NRG3: variants seen among roughly 807,000 people sequenced by gnomAD.
The protein encoded by NRG3 is neuregulin 3.
Under a neutral mutation model 66.9 loss-of-function variants are expected in NRG3, and 31 were observed. The observed-to-expected ratio is 0.46, with a 90% CI of 0.35 to 0.63. The LOEUF (loss-of-function observed/expected upper bound fraction) is 0.63. NRG3 is among the 20% of genes least tolerant of loss of function. NRG3 has a pLI of 0.00. For missense variants in NRG3, 910 were observed against 878.9 expected (o/e 1.04, Z -0.45); for synonymous variants, 393 against 359.4 (o/e 1.09, Z -1.06).
At chr10:82,645,063 G>C (rs117980940) in intron 2 of NRG3, among the ~76,000 whole-genome samples, 2,043 of 152,214 alleles carry the variant, frequency 0.013, 26 homozygotes, top group Non-Finnish European at 0.022. Context: ...GACAAAGGTT[G>C]CCTGCCTTTT....
At chr10:82,220,033 A>C (rs1351580375) in intron 1 of NRG3, among the ~76,000 whole-genome samples, 1 of 151,984 alleles carries the variant, frequency 6.6e-6, no homozygotes, top group Non-Finnish European at 1.5e-5. Context: ...ACAAATACCA[A>C]AGTCAACCAG....
At chr10:82,952,591 A>C (rs1340009905) in intron 5 of NRG3, among the ~76,000 whole-genome samples, 1 of 151,504 alleles carries the variant, frequency 6.6e-6, no homozygotes, top group Non-Finnish European at 1.5e-5. Context: ...TAAGAAATGC[A>C]GATAAAAATA....
intron 1 of NRG3, among the ~76,000 whole-genome samples, chr10:82,192,897 T>A (rs1202930228): frequency 6.6e-6 from 1 of 151,966 alleles, no homozygotes; most frequent in Non-Finnish European, 1.5e-5. Flanking sequence ...AGAACAACTT[T>A]CCAAGACATG....
chr10:82,449,425 G>T (rs2090910635), intron 2 of NRG3, among the ~76,000 whole-genome samples: 1 of 152,238 alleles, frequency 6.6e-6, no homozygotes, highest in Non-Finnish European at 1.5e-5. Flanking sequence ...ATGAAAGATA[G>T]AACTCATTTT....
intron 1 of NRG3, among the ~76,000 whole-genome samples, chr10:82,282,200 G>T (rs550281740): frequency 3.0e-4 from 45 of 152,094 alleles, no homozygotes; most frequent in Non-Finnish European, 5.7e-4. Context: ...CACATACGAG[G>T]CAGATAACTA....
chr10:82,212,660 C>T (rs2075456931), intron 1 of NRG3, among the ~76,000 whole-genome samples: 1 of 152,132 alleles, frequency 6.6e-6, no homozygotes, highest in Admixed American at 6.5e-5. Context: ...AGGCATGTCA[C>T]TATCTAGTCT....
intron 1 of NRG3, among the ~76,000 whole-genome samples, chr10:82,030,479 G>A (rs940224421): frequency 2.0e-5 from 3 of 152,088 alleles, no homozygotes; most frequent in African/African-American, 7.2e-5. Flanking sequence ...GGCTTATGCA[G>A]TAGTTACACA....
chr10:82,761,548 G>C (rs2059303967), intron 3 of NRG3, among the ~76,000 whole-genome samples: 1 of 151,978 alleles, frequency 6.6e-6, no homozygotes, highest in Non-Finnish European at 1.5e-5. Context: ...TGTTGATAAA[G>C]TGCTCAGCAT....
chr10:82,754,134 T>C (rs990649422), intron 3 of NRG3, among the ~76,000 whole-genome samples: 2 of 151,958 alleles, frequency 1.3e-5, no homozygotes, highest in African/African-American at 4.8e-5. Flanking sequence ...GCAGCATATT[T>C]GTCAGTATTA....
chr10:82,485,104 C>CGGTTA (rs1842577182), intron 2 of NRG3, among the ~76,000 whole-genome samples: 1 of 152,098 alleles, frequency 6.6e-6, no homozygotes, highest in African/African-American at 2.4e-5. Flanking sequence ...CATGCTAGCA[C>CGGTTA]GGTTAGACAT....
intron 2 of NRG3, among the ~76,000 whole-genome samples, chr10:82,703,832 A>G (rs1659257687): frequency 1.3e-5 from 2 of 152,166 alleles, no homozygotes; most frequent in Admixed American, 1.3e-4. Flanking sequence ...TAGGATCTGA[A>G]CATCAGATTT....
intron 1 of NRG3, among the ~76,000 whole-genome samples, chr10:81,988,084 G>GA (rs2060593578): frequency 6.6e-6 from 1 of 152,098 alleles, no homozygotes; most frequent in South Asian, 2.1e-4. Context: ...GGAAAACAAA[G>GA]AAAAAACCAA....
intron 1 of NRG3, among the ~76,000 whole-genome samples, chr10:81,914,502 G>A (rs1845476603): frequency 6.6e-6 from 1 of 152,032 alleles, no homozygotes; most frequent in Non-Finnish European, 1.5e-5. Flanking sequence ...GGAGGCCGAG[G>A]CAGCAGGATT....
intron 1 of NRG3, among the ~76,000 whole-genome samples, chr10:81,888,157 TC>T (rs1842757370): frequency 6.6e-6 from 1 of 152,136 alleles, no homozygotes; most frequent in Non-Finnish European, 1.5e-5. Flanking sequence ...AAGAGGGTCT[TC>T]CTGGCTTCAG....
chr10:82,491,126 G>A (rs1843054703), intron 2 of NRG3, among the ~76,000 whole-genome samples: 1 of 151,296 alleles, frequency 6.6e-6, no homozygotes. Context: ...TTTTGCACTG[G>A]TTGAGTTGCC....
intron 1 of NRG3, among the ~76,000 whole-genome samples, chr10:82,275,923 T>A (rs1298293811): frequency 6.6e-6 from 1 of 151,980 alleles, no homozygotes; most frequent in Non-Finnish European, 1.5e-5. Context: ...AAGAAAATGA[T>A]CACTTAATAT....
intron 1 of NRG3, among the ~76,000 whole-genome samples, chr10:82,017,666 G>T (rs1341169817): frequency 6.6e-6 from 1 of 152,180 alleles, no homozygotes; most frequent in African/African-American, 2.4e-5. Flanking sequence ...TTGTGGTTTT[G>T]ATTTGCATTT....
rs1198353151 is a variant in NRG3 at position 82,985,320 on chromosome 10, A to T, written c.1806A>T (p.Lys602Asn). 1 of 1,614,048 alleles carries T rather than the reference A, an allele frequency of 6.2e-7. No individual in the cohort carries two copies. Among genetic ancestry groups the T allele is most frequent in the Non-Finnish European group, 8.5e-7 (1 of 1,180,028 alleles). Residue 602 changes from lysine (K) to asparagine (N), a missense_variant, in exon 9 of 9, where the codon AAA becomes AAT. Physicochemically the swap from Lys to Asn is moderately conservative, Grantham distance 94. Coordinates refer to ENST00000372141, the MANE Select transcript of NRG3 (RefSeq NM_001010848.4). ...ISEVKSIKWC[K>N]NSYSADVVNV... ...AAGTCAAAAGCATCAAATGGTGCAA[A>T]AACTCCTATTCAGCTGACGTTGTCA... is the stretch of plus-strand genomic sequence containing the variant.
rs143755273 is a variant in NRG3, at chr10:81,903,498, G to A, written c.823+27335G>A. 7.2e-3 allele frequency among the ~76,000 whole-genome samples: 1,095 copies of A among 152,320 alleles called. 15 individuals are homozygous for A. The highest frequency in any genetic ancestry group is 0.025 in the African/African-American group (1,048 of 41,568). The stretch of plus-strand genomic sequence containing the variant: ...ACTGACTTCCAGAAGGGAGATAAAT[G>A]TTGCATAGAGACATCATATCCAGCC... On this transcript the variant is annotated intron_variant, in intron 1 of 8. Transcript: ENST00000372141.
Sources: allele counts gnomAD v4.1 joint callset (sites outside exome capture counted in the v4.1 genomes callset), GRCh38; gene constraint gnomAD v4.1.1; transcripts MANE v1.5; gene names NCBI Gene and HGNC (gene_info 2026-07-23, HGNC 2026-07-21).